NBEA: variants seen among roughly 807,000 people sequenced by gnomAD.
NBEA encodes the protein neurobeachin.
NBEA carries 44 observed loss-of-function variants against 343.4 expected under a neutral mutation model. The ratio of observed to expected loss-of-function variants is 0.13; its 90% CI spans 0.10 to 0.16. NBEA has a LOEUF of 0.16. NBEA is among the 10% of genes least tolerant of loss of function. The pLI is 1.00. For synonymous variants in NBEA, 1,175 were observed against 1,238.7 expected (o/e 0.95, Z 1.08); for missense variants, 2,555 against 3,631.3 (o/e 0.70, Z 7.62).
chr13:35,366,678 A>T (rs1028026537), intron 38 of NBEA, among the ~76,000 whole-genome samples: 7 of 149,522 alleles, frequency 4.7e-5, no homozygotes, highest in Non-Finnish European at 8.9e-5. Context: ...TCTTTCCCCC[A>T]ATGTAAGCAG....
intron 1 of NBEA, among the ~76,000 whole-genome samples, chr13:34,957,036 CAT>C (rs907356098): frequency 1.4e-5 from 2 of 146,698 alleles, no homozygotes; most frequent in African/African-American, 2.7e-5. Context: ...CACACACACA[CAT>C]ATATATACAC....
intron 41 of NBEA, among the ~76,000 whole-genome samples, chr13:35,521,471 A>G (rs576649008): frequency 1.3e-5 from 2 of 152,200 alleles, no homozygotes; most frequent in South Asian, 2.1e-4. Context: ...ATGAAATCCC[A>G]TGACAAGAAC....
intron 48 of NBEA, among the ~76,000 whole-genome samples, chr13:35,625,547 C>T (rs1252699526): frequency 6.6e-6 from 1 of 152,048 alleles, no homozygotes; most frequent in African/African-American, 2.4e-5. Context: ...ATCACTGGAG[C>T]CCAGGAGACG....
At chr13:34,945,965 G>A (rs985928971) in intron 1 of NBEA, among the ~76,000 whole-genome samples, 1 of 152,096 alleles carries the variant, frequency 6.6e-6, no homozygotes, top group Admixed American at 6.5e-5. Context: ...TTTACTACTA[G>A]GTGGATTGTG....
At chr13:35,561,956 C>A (rs1323726667) in intron 44 of NBEA, among the ~76,000 whole-genome samples, 4 of 151,862 alleles carry the variant, frequency 2.6e-5, no homozygotes, top group African/African-American at 9.7e-5. Flanking sequence ...ATTGGAAATA[C>A]AAAAAATGGT....
chr13:35,368,890 T>C (rs556364847), intron 38 of NBEA, among the ~76,000 whole-genome samples: 1 of 151,702 alleles, frequency 6.6e-6, no homozygotes, highest in Non-Finnish European at 1.5e-5. Context: ...CAGTTCAGTA[T>C]ATTTTTTTCT....
intron 48 of NBEA, among the ~76,000 whole-genome samples, chr13:35,619,754 G>A (rs552198421): frequency 4.6e-5 from 7 of 152,218 alleles, no homozygotes; most frequent in East Asian, 1.9e-4. Context: ...GCAGCTTACC[G>A]CACACCATGA....
chr13:35,277,086 C>G (rs1465514187), intron 34 of NBEA, among the ~76,000 whole-genome samples: 1 of 152,064 alleles, frequency 6.6e-6, no homozygotes, highest in Admixed American at 6.6e-5. Flanking sequence ...TAGGAGATAC[C>G]TATATGTAAA....
At chr13:35,628,015 A>T in intron 48 of NBEA, 66 bp from the exon 49 acceptor site, 1 of 1,240,156 alleles carries the variant, frequency 8.1e-7, no homozygotes, top group South Asian at 1.7e-5. Context: ...AGTAAAAAAA[A>T]AATAAAAGGA....
At chr13:35,023,218 A>G (rs2061906531) in intron 1 of NBEA, among the ~76,000 whole-genome samples, 1 of 152,160 alleles carries the variant, frequency 6.6e-6, no homozygotes, top group Non-Finnish European at 1.5e-5. Flanking sequence ...AAAAGAAAGC[A>G]TACTAGTTCA....
intron 30 of NBEA, among the ~76,000 whole-genome samples, chr13:35,189,758 A>G (rs554557923): frequency 6.6e-6 from 1 of 152,012 alleles, no homozygotes; most frequent in Non-Finnish European, 1.5e-5. Context: ...GTATTTTCAA[A>G]ATACTACTTT....
At chr13:35,053,434 A>T (rs1332581917) in intron 6 of NBEA, among the ~76,000 whole-genome samples, 1 of 151,862 alleles carries the variant, frequency 6.6e-6, no homozygotes, top group African/African-American at 2.4e-5. Flanking sequence ...AGTTCATTTT[A>T]TTCTTTTAGT....
At chr13:34,965,661 C>A (rs1299459608) in intron 1 of NBEA, among the ~76,000 whole-genome samples, 1 of 151,876 alleles carries the variant, frequency 6.6e-6, no homozygotes, top group Non-Finnish European at 1.5e-5. Context: ...TTGTTTAACT[C>A]ACATCTATCT....
chr13:35,624,840 G>A (rs2083149874), intron 48 of NBEA, among the ~76,000 whole-genome samples: 1 of 152,038 alleles, frequency 6.6e-6, no homozygotes, highest in Non-Finnish European at 1.5e-5. Flanking sequence ...ACATAGGAGA[G>A]AGAGCAAAAG....
intron 49 of NBEA, among the ~76,000 whole-genome samples, chr13:35,630,443 T>C (rs1454614809): frequency 6.6e-6 from 1 of 152,180 alleles, no homozygotes; most frequent in African/African-American, 2.4e-5. Context: ...TTCAAGCATA[T>C]GTTGGCATAT....
At chr13:35,480,130 A>T (rs960576646) in intron 41 of NBEA, among the ~76,000 whole-genome samples, 3 of 152,040 alleles carry the variant, frequency 2.0e-5, no homozygotes, top group Non-Finnish European at 4.4e-5. Flanking sequence ...AGTGAATATA[A>T]AATAATTAAA....
chr13:35,170,978 A>G (rs140270273), intron 25 of NBEA: 9 of 433,356 alleles, frequency 2.1e-5, no homozygotes, highest in Non-Finnish European at 4.0e-5. Context: ...GTTCTGTCTA[A>G]ATATCTTTGT....
intron 41 of NBEA, among the ~76,000 whole-genome samples, chr13:35,516,230 T>G (rs559772000): frequency 6.6e-6 from 1 of 152,282 alleles, no homozygotes; most frequent in East Asian, 1.9e-4. Flanking sequence ...CAAGTTCCTA[T>G]ATTCAGGAAA....
At chr13:35,208,111 T>C (rs565756918) in intron 31 of NBEA, among the ~76,000 whole-genome samples, 31 of 152,000 alleles carry the variant, frequency 2.0e-4, no homozygotes, top group Non-Finnish European at 4.1e-4. Flanking sequence ...TCCCAGCTAC[T>C]TGGGAGGCTG....
Sources: allele counts gnomAD v4.1 joint callset (sites outside exome capture counted in the v4.1 genomes callset), GRCh38; gene constraint gnomAD v4.1.1; transcripts MANE v1.5; gene names NCBI Gene and HGNC (gene_info 2026-07-23, HGNC 2026-07-21).